RCBTB1: variants seen among roughly 807,000 people sequenced by gnomAD.
The protein encoded by RCBTB1 is RCC1 and BTB domain containing protein 1.
Under a neutral mutation model 62.4 loss-of-function variants are expected in RCBTB1, and 46 were observed. The ratio of observed to expected loss-of-function variants is 0.74; its 90% confidence interval spans 0.58 to 0.94. RCBTB1 has a LOEUF of 0.94. RCBTB1 is among the 40% of genes least tolerant of loss of function. The pLI, the probability that RCBTB1 is intolerant of heterozygous loss-of-function variation, is 0.00. For synonymous variants in RCBTB1, 222 were observed against 245.8 expected (o/e 0.90, Z 0.91); for missense variants, 565 against 654.9 (o/e 0.86, Z 1.50).
At chr13:49,568,801 T>C (rs1017490998) in intron 2 of RCBTB1, among the ~76,000 whole-genome samples, 7 of 152,110 alleles carry the variant, frequency 4.6e-5, no homozygotes, top group African/African-American at 1.7e-4. Flanking sequence ...TGGTGGTGTG[T>C]GCCTGCAGTC....
intron 9 of RCBTB1, among the ~76,000 whole-genome samples, chr13:49,545,509 C>T (rs558458736): frequency 6.6e-6 from 1 of 152,272 alleles, no homozygotes; most frequent in South Asian, 2.1e-4. Flanking sequence ...CACAGGATCA[C>T]CTTACCTGAT....
intron 5 of RCBTB1, among the ~76,000 whole-genome samples, chr13:49,557,475 G>A (rs1381974470): frequency 6.6e-6 from 1 of 151,950 alleles, no homozygotes; most frequent in East Asian, 1.9e-4. Context: ...CCTACTAGGA[G>A]GATAGTAAAG....
chr13:49,565,847 G>C (rs867357334), intron 4 of RCBTB1, among the ~76,000 whole-genome samples: 2 of 151,890 alleles, frequency 1.3e-5, no homozygotes, highest in Non-Finnish European at 2.9e-5. Flanking sequence ...GGAAAAGATA[G>C]AGAAATCAGA....
chr13:49,555,770 G>C, intron 5 of RCBTB1, 97 bp from the exon 6 acceptor site: 1 of 880,262 alleles, frequency 1.1e-6, no homozygotes, highest in African/African-American at 1.7e-5. Context: ...CCTACTTAAT[G>C]AGTACTTAAG....
At chr13:49,535,885 T>C (rs1208804783) in intron 12 of RCBTB1, among the ~76,000 whole-genome samples, 1 of 152,014 alleles carries the variant, frequency 6.6e-6, no homozygotes, top group Non-Finnish European at 1.5e-5. Flanking sequence ...TAGCCAGGTG[T>C]GGTGGCAAGC....
intron 4 of RCBTB1, among the ~76,000 whole-genome samples, chr13:49,561,189 T>C (rs1168945852): frequency 6.6e-6 from 1 of 152,194 alleles, no homozygotes; most frequent in Admixed American, 6.5e-5. Context: ...TTAAGGACAG[T>C]CTGCCTGGCA....
chr13:49,560,347 G>C (rs1453415231), intron 4 of RCBTB1, among the ~76,000 whole-genome samples: 1 of 152,172 alleles, frequency 6.6e-6, no homozygotes, highest in East Asian at 1.9e-4. Flanking sequence ...GTTTACGTAT[G>C]CAAGAATTAG....
At chr13:49,584,230 T>C (rs1250076843) in intron 1 of RCBTB1, among the ~76,000 whole-genome samples, 2 of 150,048 alleles carry the variant, frequency 1.3e-5, no homozygotes, top group Non-Finnish European at 3.0e-5. Flanking sequence ...CAGAACTTTA[T>C]CATTTGGATC....
At chr13:49,561,350 TGA>T (rs1394528684) in intron 4 of RCBTB1, among the ~76,000 whole-genome samples, 1 of 152,142 alleles carries the variant, frequency 6.6e-6, no homozygotes, top group Non-Finnish European at 1.5e-5. Context: ...CTCTTCCAGG[TGA>T]CATGTGGCTC....
At chr13:49,572,355 T>C (rs1157760743) in intron 2 of RCBTB1, among the ~76,000 whole-genome samples, 1 of 151,060 alleles carries the variant, frequency 6.6e-6, no homozygotes, top group Non-Finnish European at 1.5e-5. Flanking sequence ...GCAGGATCCA[T>C]TGCAAGGAAC....
intron 4 of RCBTB1, among the ~76,000 whole-genome samples, chr13:49,563,082 A>C (rs1962578962): frequency 6.6e-6 from 1 of 152,034 alleles, no homozygotes; most frequent in Admixed American, 6.5e-5. Context: ...AAGCTTCCAA[A>C]GAGGAAAAAA....
At chr13:49,544,544 A>G (rs984513777) in intron 10 of RCBTB1, among the ~76,000 whole-genome samples, 193 bp downstream of exon 10, 3 of 152,150 alleles carry the variant, frequency 2.0e-5, no homozygotes, top group African/African-American at 7.2e-5. Flanking sequence ...CCTACATTAC[A>G]CTTTTTCTAA....
Position 49,552,174 on chromosome 13 carries a change from G to C in RCBTB1, c.711+4C>G, listed in dbSNP as rs779675956. On this transcript the variant is annotated splice_donor_region_variant and intron_variant, in intron 7 of 12. Coordinates refer to ENST00000378302, the MANE Select transcript of RCBTB1 (RefSeq NM_018191.4). ...GCCACTAACTGAGAGTGCACCACAC[G>C]TACCTGGTTCACACACACGCTGTGC... 1.3e-6 allele frequency: 2 copies of C among 1,558,494 alleles called. No homozygotes were observed. Among genetic ancestry groups the C allele is most frequent in the South Asian group, 2.3e-5 (2 of 85,404 alleles).
intron 1 of RCBTB1, among the ~76,000 whole-genome samples, chr13:49,582,160 A>C (rs1361806133): frequency 6.6e-6 from 1 of 152,244 alleles, no homozygotes; most frequent in Non-Finnish European, 1.5e-5. Context: ...ATGGGCCTTA[A>C]GAAAGTAGCA....
At chr13:49,543,014 T>C (rs1319000474) in intron 10 of RCBTB1, among the ~76,000 whole-genome samples, 1 of 152,212 alleles carries the variant, frequency 6.6e-6, no homozygotes, top group African/African-American at 2.4e-5. Flanking sequence ...TCCAGCACTT[T>C]GGGAGGCCGA....
At chr13:49,564,504 T>C (rs577598127) in intron 4 of RCBTB1, among the ~76,000 whole-genome samples, 1 of 144,846 alleles carries the variant, frequency 6.9e-6, no homozygotes, top group African/African-American at 2.6e-5. Context: ...AAGAATCGCT[T>C]GAACCCAGGA....
intron 12 of RCBTB1, among the ~76,000 whole-genome samples, chr13:49,540,255 G>A (rs1224854260): frequency 6.6e-6 from 1 of 152,156 alleles, no homozygotes; most frequent in Non-Finnish European, 1.5e-5. Context: ...CTGCTCACGA[G>A]GAGCTTACAG....
chr13:49,538,056 A>G (rs749076368), intron 12 of RCBTB1: 3 of 152,242 alleles, frequency 2.0e-5, no homozygotes, highest in Non-Finnish European at 4.4e-5. Context: ...CACGAAGGCA[A>G]AGTCATCTAG....
At chr13:49,566,532 A>G in intron 4 of RCBTB1, 86 bp downstream of exon 4, 1 of 1,243,614 alleles carries the variant, frequency 8.0e-7, no homozygotes, top group South Asian at 1.7e-5. Context: ...AAAATCAGTT[A>G]TCTGGTATAG....
Sources: allele counts gnomAD v4.1 joint callset (sites outside exome capture counted in the v4.1 genomes callset), GRCh38; gene constraint gnomAD v4.1.1; transcripts MANE v1.5; gene names NCBI Gene and HGNC (gene_info 2026-07-23, HGNC 2026-07-21).